RET: variants seen among roughly 807,000 people sequenced by gnomAD.
The protein encoded by RET is proto-oncogene tyrosine-protein kinase receptor Ret.
RET carries 19 observed loss-of-function variants against 118.3 expected under a neutral mutation model. That is an observed-to-expected ratio of 0.16 (90% CI 0.11 to 0.24). RET has a LOEUF of 0.24. RET is among the 10% of genes least tolerant of loss of function. RET has a pLI of 1.00. For synonymous variants in RET, 597 were observed against 644.1 expected, an observed-to-expected ratio of 0.93 and a Z score of 1.11; for missense variants, 1,219 against 1,502.1, an observed-to-expected ratio of 0.81 and a Z score of 3.12.
rs1837765036 is a variant in RET, at chr10:43,106,030, G to C, written c.868-346G>C. On this transcript the variant is annotated intron_variant, in intron 4 of 19. Transcript: ENST00000355710. The surrounding 1 kb of genome is among the most constrained non-coding windows in gnomAD (Gnocchi z 5.1). ...CCTGACCTTCACCCTGTGGGGCCCA[G>C]CTTCCTCAGGGGAGAGTGGAGGTGC... Among the ~76,000 whole-genome samples, 1 of 152,150 alleles carries C rather than the reference G, an allele frequency of 6.6e-6. No individual in the cohort carries two copies. Among genetic ancestry groups the C allele is most frequent in the Non-Finnish European group, 1.5e-5 (1 of 68,022 alleles).
chr10:43,105,049 C>T lies in RET; in HGVS notation c.723C>T (p.Ala241=), dbSNP rs544252468. The T allele has an allele frequency of 6.2e-6, 10 of 1,608,190 alleles. No individual in the cohort carries two copies. The African/African-American group carries it at 6.7e-5, about 11-fold the overall frequency. Residue 241 remains alanine, a synonymous_variant, in exon 4 of 20, where the codon GCC becomes GCT. Transcript: ENST00000355710. The part of the protein sequence containing the change: ...REQREKYELV[A]VCTVHAGARE... ...AGCGGGAGAAGTACGAGCTGGTGGC[C>T]GTGTGCACCGTGCACGCCGGCGCGC...
intron 15 of RET, among the ~76,000 whole-genome samples, chr10:43,120,937 G>A (rs1183043717): frequency 6.6e-6 from 1 of 150,740 alleles, no homozygotes; most frequent in African/African-American, 2.4e-5. Flanking sequence ...CAAAAAAGAA[G>A]AAGAAGAAAA....
rs747696868 is a variant in RET, at chr10:43,123,692, G to A, written c.2823G>A (p.Leu941=). 5 of 1,614,176 alleles carry A rather than the reference G, an allele frequency of 3.1e-6. No individual in the cohort carries two copies. Among genetic ancestry groups the A allele is most frequent in the East Asian group, 2.2e-5 (1 of 44,880 alleles). Reference sequence around the variant, plus strand: ...GCAGATGGTCTTTTGGTGTCCTGCTGTGGGAGATCGTGACCCTAGGGGGAA... The same window carrying A: ...GCAGATGGTCTTTTGGTGTCCTGCTATGGGAGATCGTGACCCTAGGGGGAA... ...QSDVWSFGVL[L]WEIVTLGGNP... The change falls in exon 17 of 20, where the codon CTG becomes CTA. Residue 941 remains leucine (L), a synonymous_variant. Coordinates refer to ENST00000355710, the MANE Select transcript of RET (RefSeq NM_020975.6).
At chr10:43,121,208 A>G (rs1207811459) in intron 15 of RET, among the ~76,000 whole-genome samples, 3 of 152,240 alleles carry the variant, frequency 2.0e-5, no homozygotes, top group African/African-American at 7.2e-5. Context: ...CGTGCAGGCT[A>G]CACTGTCACA....
intron 1 of RET, among the ~76,000 whole-genome samples, chr10:43,099,715 G>A (rs1006547729): frequency 1.6e-4 from 24 of 151,954 alleles, no homozygotes; most frequent in Non-Finnish European, 2.1e-4. Flanking sequence ...CCACACCCCC[G>A]CCTGCCACAG....
At position 43,123,767 on chromosome 10, in the gene RET, C is replaced by T. The variant is rs373693875; in HGVS notation, c.2898C>T (p.Thr966=). The change falls in exon 17 of 20, where the codon ACC becomes ACT. Residue 966 remains threonine (T), a synonymous_variant. Transcript: ENST00000355710. ...AGCGGCTCTTCAACCTTCTGAAGAC[C>T]GGCCACCGGATGGAGAGGCCAGACA... ...PPERLFNLLK[T]GHRMERPDNC... is the part of the protein sequence containing the mutation. 1.5e-5 allele frequency: 24 copies of T among 1,613,976 alleles called. No homozygotes were observed. Among genetic ancestry groups the T allele is most frequent in the East Asian group, 4.5e-5 (2 of 44,888 alleles).
At chr10:43,121,302 T>C (rs1564499722) in intron 15 of RET, among the ~76,000 whole-genome samples, 1 of 152,358 alleles carries the variant, frequency 6.6e-6, no homozygotes, top group East Asian at 1.9e-4. Context: ...AAGATTGTGT[T>C]CCAACCCAAG....
intron 1 of RET, among the ~76,000 whole-genome samples, chr10:43,079,048 C>T (rs993560820): frequency 7.9e-5 from 12 of 152,348 alleles, no homozygotes; most frequent in East Asian, 1.9e-4. Context: ...GTGAGCCCCT[C>T]GGTGCTCCCC....
intron 14 of RET, 127 bp from the exon 15 acceptor site, chr10:43,119,954 C>T: frequency 6.9e-7 from 1 of 1,448,742 alleles, no homozygotes; most frequent in Middle Eastern, 2.3e-4. Context: ...ATGCCACACC[C>T]CCGGCCCAGG....
chr10:43,089,579 C>G (rs1386133866), intron 1 of RET, among the ~76,000 whole-genome samples: 19 of 152,188 alleles, frequency 1.2e-4, no homozygotes, highest in Non-Finnish European at 1.5e-5. Context: ...TAGGACACAC[C>G]TCAGGACCCC....
intron 6 of RET, among the ~76,000 whole-genome samples, chr10:43,109,607 G>C (rs1356245689): frequency 6.6e-6 from 1 of 152,224 alleles, no homozygotes; most frequent in Non-Finnish European, 1.5e-5. Flanking sequence ...TGCAAAAGCA[G>C]ATCTTCCCTG....
In RET at chr10:43,105,229, C is replaced by CT. The variant is rs775838808; in HGVS notation, c.867+37dup. ...GCGCGTGCTGTGGTCTACCCAGTGT[C>CT]TGTCTCCGGCCACAGTTCGTTTCTC... On this transcript the variant is annotated intron_variant, in intron 4 of 19. Transcript: ENST00000355710. 2.5e-6 allele frequency: 4 copies of CT among 1,611,924 alleles called. No homozygotes were observed. The Admixed American group carries it at 6.7e-5, about 27-fold the overall frequency.
In RET at chr10:43,129,796, A is replaced by C; in HGVS notation, c.*1527A>C. On this transcript the variant is annotated 3_prime_UTR_variant, in exon 20 of 20. Transcript: ENST00000355710. ...CCTTGTGGTGTGTGCGCACACACCCAGAGGGAGAGTTTGAAAAATGCTTAT... is the reference window on the plus strand; with the variant it reads ...CCTTGTGGTGTGTGCGCACACACCCCGAGGGAGAGTTTGAAAAATGCTTAT... The C allele has an allele frequency of 3.1e-5, 12 of 382,982 alleles. No homozygotes were observed. The highest frequency in any genetic ancestry group is 1.5e-4 in the South Asian group (1 of 6,820). The allele number at this position is 382,982 out of a possible 1,614,324, so 23.7% of individuals were successfully genotyped here.
chr10:43,081,270 C>T (rs760857492), intron 1 of RET, among the ~76,000 whole-genome samples: 17 of 151,964 alleles, frequency 1.1e-4, no homozygotes, highest in Non-Finnish European at 1.8e-4. Context: ...CCCTCTATCT[C>T]CCCACTCCTC....
intron 1 of RET, among the ~76,000 whole-genome samples, chr10:43,083,564 G>A (rs1837231631): frequency 6.6e-6 from 1 of 152,210 alleles, no homozygotes; most frequent in Admixed American, 6.5e-5. Flanking sequence ...CACTTTCCCT[G>A]TGTTCCGTGG....
At position 43,099,513 on chromosome 10, in the gene RET, A is replaced by AAAATAAATAAAT. The variant is rs751291577; in HGVS notation, c.74-910_74-899dup. Among the ~76,000 whole-genome samples the AAAATAAATAAAT allele has an allele frequency of 9.8e-4, 144 of 146,346 alleles. 1 individual carries two copies. Among genetic ancestry groups the AAAATAAATAAAT allele is most frequent in the East Asian group, 1.4e-3 (7 of 4,964 alleles). On this transcript the variant is annotated intron_variant, in intron 1 of 19. Transcript: ENST00000355710. Reference sequence around the variant, plus strand: ...GCAACAAGAGCAAAACTCCATCTCAAAAATAAATAAATAAATAAATAAATA... The same window carrying AAAATAAATAAAT: ...GCAACAAGAGCAAAACTCCATCTCAAAAATAAATAAATAAATAAATAAATAAATAAATAAATA...
Position 43,077,133 on chromosome 10 carries a change from AGTGTCCGTC to A in RET, c.-124_-116del. 6 of 1,248,946 alleles carry A rather than the reference AGTGTCCGTC, an allele frequency of 4.8e-6. No homozygotes were observed. The highest frequency in any genetic ancestry group is 6.1e-6 in the Non-Finnish European group (6 of 984,288). The allele number at this position is 1,248,946 out of a possible 1,614,324, so 77.4% of individuals were successfully genotyped here. ...GCCCCGGAACGTGCGTCGCGCCCCC[AGTGTCCGTC>A]GCGTCCGCCGCGCCCCGGGCGGGGA... On this transcript the variant is annotated 5_prime_UTR_variant, in exon 1 of 20. Transcript: ENST00000355710.
intron 1 of RET, among the ~76,000 whole-genome samples, chr10:43,083,579 C>T (rs1837231914): frequency 6.6e-6 from 1 of 152,196 alleles, no homozygotes; most frequent in Admixed American, 6.5e-5. Context: ...CCGTGGGATC[C>T]TGTCACATGG....
chr10:43,079,435 A>G, intron 1 of RET, among the ~76,000 whole-genome samples: 1 of 152,220 alleles, frequency 6.6e-6, no homozygotes, highest in South Asian at 2.1e-4. Flanking sequence ...GAGAACCTCC[A>G]TCTAAAAGTT....
Sources: gnomAD v4.1 joint callset for allele counts (sites outside exome capture counted in the v4.1 genomes callset) on GRCh38, gnomAD v4.1.1 for gene constraint, Gnocchi (gnomAD v3.1) non-coding constraint, MANE v1.5 for transcripts, NCBI Gene and HGNC (gene_info 2026-07-23, HGNC 2026-07-21) for gene names.